Variants in ARID4A observed in about 807,000 individuals in gnomAD.
The protein encoded by ARID4A is AT-rich interactive domain-containing protein 4A.
ARID4A carries 39 observed loss-of-function variants against 148.6 expected under a neutral mutation model. The ratio of observed to expected loss-of-function variants is 0.26; its 90% confidence interval spans 0.20 to 0.34. The LOEUF (loss-of-function observed/expected upper bound fraction) is 0.34, where lower values mean the gene tolerates loss of function less well. Among genes scored for constraint, ARID4A ranks in the 10% least tolerant of loss-of-function variants. ARID4A has a pLI of 1.00. For synonymous variants in ARID4A, 475 were observed against 481.2 expected (o/e 0.99, Z 0.17); for missense variants, 1,265 against 1,449.1 (o/e 0.87, Z 2.06).
intron 17 of ARID4A, among the ~76,000 whole-genome samples, chr14:58,355,988 CGTT>C (rs1366655687): frequency 1.3e-5 from 2 of 152,042 alleles, no homozygotes; most frequent in East Asian, 3.9e-4. Flanking sequence ...CATGGTTTTT[CGTT>C]GTTCTTCTCT....
chr14:58,369,881 G>C (rs1488679329), intron 23 of ARID4A: 2 of 152,218 alleles, frequency 1.3e-5, no homozygotes, highest in African/African-American at 4.8e-5. Flanking sequence ...ACTATTCCAG[G>C]AGTAGGATGG....
At chr14:58,357,770 A>G (rs544794420) in intron 17 of ARID4A, among the ~76,000 whole-genome samples, 2 of 152,240 alleles carry the variant, frequency 1.3e-5, no homozygotes, top group Non-Finnish European at 2.9e-5. Context: ...TTAACTGTAC[A>G]TTTTTTAGAT....
chr14:58,334,253 G>A (rs1204940767), intron 11 of ARID4A, among the ~76,000 whole-genome samples: 1 of 152,076 alleles, frequency 6.6e-6, no homozygotes, highest in Non-Finnish European at 1.5e-5. Flanking sequence ...AAAAATCTTG[G>A]ATTTGATAGC....
Position 58,318,640 on chromosome 14 carries a change from A to C in ARID4A, c.354+19A>C. 6.2e-7 allele frequency: 1 copy of C among 1,613,986 alleles called. No homozygotes were observed. The highest frequency in any genetic ancestry group is 1.1e-5 in the South Asian group (1 of 91,068). On this transcript the variant is annotated intron_variant, in intron 6 of 23. Transcript: ENST00000355431. The stretch of plus-strand genomic sequence containing the variant: ...GAGTGAGGTAGGGTGACACGGATGG[A>C]CGATTTGGATTGAACTACAGGTACT...
At chr14:58,371,195 C>T (rs528273361) in intron 23 of ARID4A, among the ~76,000 whole-genome samples, 6 of 152,016 alleles carry the variant, frequency 3.9e-5, no homozygotes, top group African/African-American at 1.4e-4. Flanking sequence ...GCAGGAGGGT[C>T]GCTTGAGCCC....
In ARID4A at chr14:58,342,960, T is replaced by G. The variant is rs188221652; in HGVS notation, c.907-1735T>G. 2.7e-3 allele frequency among the ~76,000 whole-genome samples: 407 copies of G among 152,180 alleles called. 3 individuals are homozygous for G. The highest frequency in any genetic ancestry group is 9.2e-3 in the African/African-American group (384 of 41,546). On this transcript the variant is annotated intron_variant, in intron 11 of 23. Transcript: ENST00000355431. ...GAAGTTTTCGTCTGAAGAGAGAATA[T>G]TACGATTACAGGGCACAGGCAAAGC...
chr14:58,319,349 G>A (rs2032693085), intron 7 of ARID4A, among the ~76,000 whole-genome samples: 1 of 151,760 alleles, frequency 6.6e-6, no homozygotes, highest in Non-Finnish European at 1.5e-5. Context: ...TTACAGGCGT[G>A]AGCCACCACA....
intron 7 of ARID4A, 138 bp downstream of exon 7, chr14:58,318,943 A>G (rs1328900297): frequency 1.9e-5 from 12 of 643,228 alleles, no homozygotes; most frequent in Non-Finnish European, 2.6e-5. Context: ...TTTTACCCTG[A>G]GTGGACCTTG....
At chr14:58,368,804 T>C (rs907328689) in intron 23 of ARID4A, among the ~76,000 whole-genome samples, 1 of 152,222 alleles carries the variant, frequency 6.6e-6, no homozygotes, top group African/African-American at 2.4e-5. Flanking sequence ...AAGGTAATTT[T>C]ATATAAATAA....
chr14:58,329,269 C>G (rs907618533), intron 9 of ARID4A, among the ~76,000 whole-genome samples: 3 of 152,108 alleles, frequency 2.0e-5, no homozygotes, highest in Non-Finnish European at 4.4e-5. Context: ...CCCGTACTAT[C>G]TGTAGGAGGA....
At chr14:58,323,706 G>A in intron 8 of ARID4A, 89 bp downstream of exon 8, 1 of 1,255,956 alleles carries the variant, frequency 8.0e-7, no homozygotes, top group Non-Finnish European at 1.1e-6. Flanking sequence ...TATTTTGAAA[G>A]TATTAAACAA....
At chr14:58,327,426 A>G (rs1237596322) in intron 8 of ARID4A, among the ~76,000 whole-genome samples, 1 of 152,206 alleles carries the variant, frequency 6.6e-6, no homozygotes, top group Non-Finnish European at 1.5e-5. Context: ...AAGTTAAGAA[A>G]TTAAAAAGTT....
chr14:58,346,860 C>T (rs956173146), intron 13 of ARID4A, among the ~76,000 whole-genome samples, 160 bp from the exon 14 acceptor site: 3 of 129,632 alleles, frequency 2.3e-5, no homozygotes, highest in Middle Eastern at 8.5e-3. Flanking sequence ...CCCAGGAGGT[C>T]GAGGCTGCAG....
chr14:58,365,465 C>CTATT, intron 20 of ARID4A, 53 bp from the exon 21 acceptor site: 1 of 853,862 alleles, frequency 1.2e-6, no homozygotes, highest in East Asian at 3.7e-5. Flanking sequence ...AATATACTTG[C>CTATT]TCTTTTTTTT....
chr14:58,344,669 T>C (rs1322998232), intron 11 of ARID4A, 26 bp from the exon 12 acceptor site: 4 of 1,527,546 alleles, frequency 2.6e-6, no homozygotes, highest in Non-Finnish European at 3.6e-6. Flanking sequence ...CACTGTGCCA[T>C]ACATTTATAT....
chr14:58,352,767 T>G (rs1333143917), intron 16 of ARID4A, among the ~76,000 whole-genome samples: 1 of 152,160 alleles, frequency 6.6e-6, no homozygotes, highest in Non-Finnish European at 1.5e-5. Flanking sequence ...CTTTTAATGC[T>G]TGTGACACTA....
chr14:58,367,670 C>T (rs939920567), intron 23 of ARID4A, among the ~76,000 whole-genome samples: 9 of 152,152 alleles, frequency 5.9e-5, no homozygotes, highest in African/African-American at 1.9e-4. Flanking sequence ...GCTAGCCCTT[C>T]GGGGGTTGTA....
Position 58,311,246 on chromosome 14 carries a change from A to G in ARID4A, c.274+5134A>G, listed in dbSNP as rs555812155. On this transcript the variant is annotated intron_variant, in intron 5 of 23. Transcript: ENST00000355431. ...GGGCGACAGAGCAAGACTCCAATCT[A>G]AAAAAAAATAAATGAAAATAATAGG... is the stretch of plus-strand genomic sequence containing the variant. Among the ~76,000 whole-genome samples the G allele has an allele frequency of 4.6e-5, 7 of 151,540 alleles. No individual in the cohort carries two copies. In the East Asian group the frequency reaches 1.4e-3, roughly 30 times the overall value.
intron 15 of ARID4A, among the ~76,000 whole-genome samples, chr14:58,350,236 T>A (rs1337057967): frequency 6.6e-6 from 1 of 152,086 alleles, no homozygotes; most frequent in Non-Finnish European, 1.5e-5. Context: ...AATTTCTTCT[T>A]TTTCTGCCTT....
Sources: gnomAD v4.1 joint callset for allele counts (sites outside exome capture counted in the v4.1 genomes callset) on GRCh38, gnomAD v4.1.1 for gene constraint, MANE v1.5 for transcripts, NCBI Gene and HGNC (gene_info 2026-07-23, HGNC 2026-07-21) for gene names.